The following ARF1 variants were observed in gnomAD, a reference collection of about 807,000 sequenced individuals.
ARF1 encodes ADP-ribosylation factor 1.
In ARF1, 1 loss-of-function variant was observed where a neutral mutation model predicts 18.0. That is an observed-to-expected ratio of 0.06 (90% CI 0.02 to 0.26). The LOEUF is 0.26. Among genes scored for constraint, ARF1 ranks in the 10% least tolerant of loss-of-function variants. The pLI, the probability that ARF1 is intolerant of heterozygous loss-of-function variation, is 1.00. For missense variants in ARF1, 73 were observed against 247.2 expected, an observed-to-expected ratio of 0.30 and a Z score of 4.73; for synonymous variants, 112 against 96.3, an observed-to-expected ratio of 1.16 and a Z score of -0.95.
chr1:228,097,094 TC>T lies in ARF1; in HGVS notation c.-19del, dbSNP rs1558087347. 6.3e-7 allele frequency: 1 copy of T among 1,578,794 alleles called. No homozygotes were observed. Among genetic ancestry groups the T allele is most frequent in the African/African-American group, 1.3e-5 (1 of 74,220 alleles). On this transcript the variant is annotated 5_prime_UTR_variant, in exon 2 of 5. Coordinates refer to ENST00000272102, the MANE Select transcript of ARF1 (RefSeq NM_001658.4). This position sits in a 1 kb window ranked among gnomAD's most constrained non-coding sequence, Gnocchi z 8.1. ...TCTCTCCAGGTGTCCCTGGCCAGTG[TC>T]CTTCCACCTGTCCACAAGCATGGGG... is the stretch of plus-strand genomic sequence containing the variant.
rs140605599 is a variant in ARF1, at chr1:228,090,322, T to G, written c.-37-6756T>G. On this transcript the variant is annotated intron_variant, in intron 1 of 4. Transcript: ENST00000272102. ...CCTCACCTAGGAGTTGGGGTTCTGGTCAGAAGCCCTGTGGAGACAGGGTCT... is the reference window on the plus strand; with the variant it reads ...CCTCACCTAGGAGTTGGGGTTCTGGGCAGAAGCCCTGTGGAGACAGGGTCT... Among the ~76,000 whole-genome samples, 7 of 152,208 alleles carry G rather than the reference T, an allele frequency of 4.6e-5. No individual in the cohort carries two copies. In the East Asian group the frequency reaches 1.2e-3, roughly 25 times the overall value.
At chr1:228,096,989 G>A (rs923579456) in intron 1 of ARF1, 89 bp from the exon 2 acceptor site, 5 of 1,209,348 alleles carry the variant, frequency 4.1e-6, no homozygotes, top group Non-Finnish European at 5.7e-6. Flanking sequence ...GAGGTGGGGT[G>A]AGGCAGTGGT....
At chr1:228,091,899 C>T (rs917616625) in intron 1 of ARF1, among the ~76,000 whole-genome samples, 4 of 152,094 alleles carry the variant, frequency 2.6e-5, no homozygotes, top group African/African-American at 9.7e-5. Flanking sequence ...TAAGGACTCC[C>T]TTAAAATGAA....
rs963764078 is a variant in ARF1, at chr1:228,098,000, G to A, written c.533G>A (p.Arg178Gln). Residue 178 changes from arginine (R) to glutamine (Q), a missense_variant, in exon 5 of 5, where the codon CGG becomes CAG. Physicochemically the swap from Arg to Gln is conservative, Grantham distance 43. Around this residue, in one of 3 missense-constraint regions of ARF1, gnomAD observed 48 missense variants for 144.7 expected, o/e 0.33. Coordinates refer to ENST00000272102, the MANE Select transcript of ARF1 (RefSeq NM_001658.4). This position sits in a 1 kb window ranked among gnomAD's most constrained non-coding sequence, Gnocchi z 8.1. ...CTGGACTGGCTGTCCAATCAGCTCC[G>A]GAACCAGAAGTGAACGCGACCCCCC... ...EGLDWLSNQL[R>Q]NQK is the part of the protein sequence containing the mutation. The A allele has an allele frequency of 1.9e-6, 3 of 1,612,854 alleles. No homozygotes were observed. The highest frequency in any genetic ancestry group is 2.5e-6 in the Non-Finnish European group (3 of 1,179,090).
At chr1:228,092,726 T>C in intron 1 of ARF1, among the ~76,000 whole-genome samples, 1 of 152,148 alleles carries the variant, frequency 6.6e-6, no homozygotes, top group East Asian at 1.9e-4. Context: ...ATCCCTGAGA[T>C]CTGCAAGGGA....
chr1:228,097,436 C>T lies in ARF1; in HGVS notation c.243C>T (p.Tyr81=). ...QDKIRPLWRH[Y]FQNTQGLIFV... is the part of the protein sequence containing the mutation. ...AGATCCGGCCCCTGTGGCGCCACTA[C>T]TTCCAGAACACACAAGGTAAGTGGC... The change falls in exon 3 of 5, where the codon TAC becomes TAT. Residue 81 remains tyrosine (Y), a synonymous_variant. Coordinates refer to ENST00000272102, the MANE Select transcript of ARF1 (RefSeq NM_001658.4). This position sits in a 1 kb window ranked among gnomAD's most constrained non-coding sequence, Gnocchi z 8.1. 3 of 1,614,178 alleles carry T rather than the reference C, an allele frequency of 1.9e-6. No homozygotes were observed. The highest frequency in any genetic ancestry group is 2.5e-6 in the Non-Finnish European group (3 of 1,180,022).
chr1:228,093,874 C>T (rs561080486), intron 1 of ARF1, among the ~76,000 whole-genome samples: 5 of 148,970 alleles, frequency 3.4e-5, no homozygotes, highest in South Asian at 2.1e-4. Context: ...TGCAGTGAGC[C>T]GAGATCGCAC....
intron 1 of ARF1, among the ~76,000 whole-genome samples, chr1:228,093,984 A>G (rs1171535912): frequency 1.3e-5 from 2 of 149,550 alleles, no homozygotes; most frequent in Non-Finnish European, 3.0e-5. Context: ...AAAAGCCACC[A>G]ATGGGGAGGG....
intron 1 of ARF1, among the ~76,000 whole-genome samples, chr1:228,091,984 CTGT>C (rs1433527033): frequency 2.0e-5 from 3 of 152,122 alleles, no homozygotes; most frequent in African/African-American, 4.8e-5. Flanking sequence ...TGTTGAAAGG[CTGT>C]TGTTCCTCAG....
chr1:228,095,455 C>T (rs763464889), intron 1 of ARF1, among the ~76,000 whole-genome samples: 8 of 152,188 alleles, frequency 5.3e-5, no homozygotes, highest in African/African-American at 1.4e-4. Context: ...ACCCTTAGGC[C>T]GCATGTGGCC....
At chr1:228,093,641 A>AAAT (rs397812351) in intron 1 of ARF1, among the ~76,000 whole-genome samples, 1 of 149,296 alleles carries the variant, frequency 6.7e-6, no homozygotes, top group Admixed American at 6.7e-5. Flanking sequence ...AAAAAAAAAA[A>AAAT]TCCGGGCGTG....
At chr1:228,083,731 G>A (rs907812543) in intron 1 of ARF1, among the ~76,000 whole-genome samples, 1 of 152,256 alleles carries the variant, frequency 6.6e-6, no homozygotes, top group Non-Finnish European at 1.5e-5. Flanking sequence ...CACAGCCTGG[G>A]TGGTTACGGC....
At chr1:228,092,049 G>A (rs979308116) in intron 1 of ARF1, among the ~76,000 whole-genome samples, 1 of 152,196 alleles carries the variant, frequency 6.6e-6, no homozygotes, top group Non-Finnish European at 1.5e-5. Context: ...GAAGTCATCA[G>A]CTTTGTTCAG....
chr1:228,086,628 G>A (rs1417376888), intron 1 of ARF1, among the ~76,000 whole-genome samples: 1 of 152,194 alleles, frequency 6.6e-6, no homozygotes, highest in Admixed American at 6.5e-5. Flanking sequence ...ATTCATGGAG[G>A]TTCCTGGAGA....
At chr1:228,094,498 C>T (rs960145217) in intron 1 of ARF1, among the ~76,000 whole-genome samples, 5 of 152,046 alleles carry the variant, frequency 3.3e-5, no homozygotes, top group Admixed American at 6.6e-5. Flanking sequence ...TTAGTTTTTC[C>T]GCATTGCCTA....
chr1:228,087,733 G>T (rs539655251), intron 1 of ARF1, among the ~76,000 whole-genome samples: 6 of 152,260 alleles, frequency 3.9e-5, no homozygotes, highest in Middle Eastern at 6.8e-3. Flanking sequence ...TCCCTCTTGT[G>T]TCTGACATCA....
chr1:228,092,239 A>C (rs1250588281), intron 1 of ARF1, among the ~76,000 whole-genome samples: 1 of 152,192 alleles, frequency 6.6e-6, no homozygotes, highest in African/African-American at 2.4e-5. Context: ...ACTGGAGCCC[A>C]AGAGTTCAAG....
intron 1 of ARF1, among the ~76,000 whole-genome samples, chr1:228,092,930 C>T (rs1349395929): frequency 6.6e-6 from 1 of 152,180 alleles, no homozygotes. Flanking sequence ...TTGACTGTCC[C>T]GTTCTTTGGT....
intron 1 of ARF1, among the ~76,000 whole-genome samples, chr1:228,094,994 C>T (rs3768331): frequency 0.33 from 49,606 of 151,938 alleles, 8,711 homozygotes; most frequent in South Asian, 0.51. Flanking sequence ...AATTTCACCC[C>T]GTAATTTCGT....
Sources: gnomAD v4.1 joint callset for allele counts (sites outside exome capture counted in the v4.1 genomes callset) on GRCh38, gnomAD v4.1.1 for gene constraint, gnomAD v4.1.1 regional missense constraint, Gnocchi (gnomAD v3.1) non-coding constraint, MANE v1.5 for transcripts, NCBI Gene and HGNC (gene_info 2026-07-23, HGNC 2026-07-21) for gene names.